The following NDST4 variants were observed in gnomAD, a reference collection of about 807,000 sequenced individuals.
NDST4 encodes the protein N-heparan sulfate sulfotransferase 4.
A neutral mutation model predicts 100.8 loss-of-function variants in NDST4; 63 were observed. The observed-to-expected ratio is 0.62, with a 90% confidence interval of 0.51 to 0.77. The LOEUF (loss-of-function observed/expected upper bound fraction) is 0.77, where lower values mean the gene tolerates loss of function less well. Among genes scored for constraint, NDST4 ranks in the 30% least tolerant of loss-of-function variants. The pLI is 0.00. For synonymous variants in NDST4, 377 were observed against 361.8 expected (o/e 1.04, Z -0.48); for missense variants, 943 against 1,018.4 (o/e 0.93, Z 1.01).
chr4:114,941,677 G>T (rs1418293917), intron 4 of NDST4, among the ~76,000 whole-genome samples: 1 of 152,098 alleles, frequency 6.6e-6, no homozygotes, highest in Non-Finnish European at 1.5e-5. Flanking sequence ...AGCAGCAGAG[G>T]CTTTTTGTTT....
intron 6 of NDST4, among the ~76,000 whole-genome samples, chr4:114,921,827 T>C (rs1725292864): frequency 6.6e-6 from 1 of 152,100 alleles, no homozygotes; most frequent in Non-Finnish European, 1.5e-5. Flanking sequence ...CCTATTTTCT[T>C]TTTCCCCCTT....
In NDST4 at chr4:114,829,364, A is replaced by G. The variant is rs1723146026; in HGVS notation, c.2499+426T>C. On this transcript the variant is annotated intron_variant, in intron 13 of 13. Transcript: ENST00000264363. ...TATCCTGTAATAAATCTGAGCTCAC[A>G]ACTGTTTTATCTTTGTATTCTTTCC... Among the ~76,000 whole-genome samples the G allele has an allele frequency of 2.0e-5, 3 of 152,204 alleles. No individual in the cohort carries two copies. The South Asian group carries it at 6.2e-4, about 32-fold the overall frequency.
chr4:114,970,054 C>A (rs1326830282), intron 4 of NDST4, among the ~76,000 whole-genome samples: 1 of 151,956 alleles, frequency 6.6e-6, no homozygotes, highest in African/African-American at 2.4e-5. Flanking sequence ...TTGTATTTCT[C>A]TAATGATTAG....
intron 6 of NDST4, among the ~76,000 whole-genome samples, chr4:114,883,389 T>C (rs1724412049): frequency 6.6e-6 from 1 of 152,012 alleles, no homozygotes; most frequent in South Asian, 2.1e-4. Flanking sequence ...TATTTTAAAG[T>C]TGTCTATGTT....
chr4:115,059,962 T>G (rs1480617606), intron 2 of NDST4, among the ~76,000 whole-genome samples: 2 of 151,984 alleles, frequency 1.3e-5, no homozygotes, highest in East Asian at 3.9e-4. Context: ...ACTAAACCTC[T>G]GCAACCCTGT....
intron 2 of NDST4, among the ~76,000 whole-genome samples, chr4:115,023,779 G>A (rs1321947567): frequency 6.6e-6 from 1 of 152,130 alleles, no homozygotes; most frequent in Non-Finnish European, 1.5e-5. Flanking sequence ...CACAAAGGGA[G>A]AATAGCACCA....
chr4:115,106,828 A>G (rs535390161), intron 1 of NDST4, among the ~76,000 whole-genome samples: 70 of 152,196 alleles, frequency 4.6e-4, no homozygotes, highest in African/African-American at 1.5e-3. Flanking sequence ...GGAGAATGAG[A>G]TATGGAGCCA....
chr4:115,045,428 T>C (rs1319856645), intron 2 of NDST4, among the ~76,000 whole-genome samples: 1 of 152,188 alleles, frequency 6.6e-6, no homozygotes, highest in Non-Finnish European at 1.5e-5. Context: ...TAAGTAAATG[T>C]AGAGCTCTAG....
intron 2 of NDST4, among the ~76,000 whole-genome samples, chr4:115,005,831 G>A (rs1428647662): frequency 2.6e-5 from 4 of 151,772 alleles, no homozygotes; most frequent in African/African-American, 4.8e-5. Flanking sequence ...TCAGGAGTTC[G>A]AAACCAGCCT....
chr4:115,037,478 G>C (rs1728258449), intron 2 of NDST4, among the ~76,000 whole-genome samples: 1 of 152,008 alleles, frequency 6.6e-6, no homozygotes, highest in Non-Finnish European at 1.5e-5. Context: ...TGACATTTCT[G>C]TCTATACATC....
intron 11 of NDST4, among the ~76,000 whole-genome samples, chr4:114,835,651 A>C (rs903202780): frequency 1.3e-5 from 2 of 152,184 alleles, no homozygotes; most frequent in African/African-American, 4.8e-5. Flanking sequence ...TCCAGAGCTG[A>C]GTTCAATTCC....
rs906723716 is a variant in NDST4, at chr4:115,080,458, T to C, written c.-246-3176A>G. Among the ~76,000 whole-genome samples, 5 of 152,214 alleles carry C rather than the reference T, an allele frequency of 3.3e-5. No individual in the cohort carries two copies. In the East Asian group the frequency reaches 5.8e-4, roughly 18 times the overall value. ...AGCCAAATGAAATTCTTTAATGTAA[T>C]TGTCTGCTTTGCAAAAGTCTTTGTT... On this transcript the variant is annotated intron_variant, in intron 1 of 13. Transcript: ENST00000264363.
intron 1 of NDST4, among the ~76,000 whole-genome samples, chr4:115,098,605 TA>T (rs1729666551): frequency 6.6e-6 from 1 of 152,208 alleles, no homozygotes; most frequent in African/African-American, 2.4e-5. Flanking sequence ...AAAGCTATAG[TA>T]ATCAAGACAC....
At chr4:114,853,864 G>T (rs1224468275) in intron 7 of NDST4, among the ~76,000 whole-genome samples, 1 of 151,478 alleles carries the variant, frequency 6.6e-6, no homozygotes, top group African/African-American at 2.4e-5. Flanking sequence ...ATACATTTTT[G>T]AAATACATCA....
intron 2 of NDST4, among the ~76,000 whole-genome samples, chr4:115,022,428 G>GTGTTCCATATATATA (rs1560570154): frequency 1.7e-5 from 1 of 59,922 alleles, no homozygotes; most frequent in African/African-American, 4.7e-5. Flanking sequence ...CCATATATAT[G>GTGTTCCATATATATA]TGTTCCATAT....
rs369160377 is a variant in NDST4, at chr4:115,053,009, C to T, written c.978+23050G>A. Among the ~76,000 whole-genome samples the T allele has an allele frequency of 1.3e-4, 20 of 152,118 alleles. No individual in the cohort carries two copies. The East Asian group carries it at 1.5e-3, about 12-fold the overall frequency. On this transcript the variant is annotated intron_variant, in intron 2 of 13. Transcript: ENST00000264363. Reference sequence around the variant, plus strand: ...TTTTCTCAAAATTTTATTTATTCCTCGAACAAAAGGTACATGTTTAGAAGG... The same window carrying T: ...TTTTCTCAAAATTTTATTTATTCCTTGAACAAAAGGTACATGTTTAGAAGG...
chr4:114,940,405 T>C (rs1321450442), intron 4 of NDST4, among the ~76,000 whole-genome samples: 2 of 152,242 alleles, frequency 1.3e-5, no homozygotes, highest in Admixed American at 1.3e-4. Flanking sequence ...AATAATGTCA[T>C]TTAATTTTCC....
Position 114,847,341 on chromosome 4 carries a change from A to G in NDST4, c.1940+874T>C, listed in dbSNP as rs983162936. Among the ~76,000 whole-genome samples the G allele has an allele frequency of 3.4e-4, 41 of 119,662 alleles. 3 individuals are homozygous for G. The highest frequency in any genetic ancestry group is 1.2e-3 in the African/African-American group (37 of 30,046). The allele number at this position is 119,662 out of a possible 152,430, so 78.5% of individuals were successfully genotyped here. On this transcript the variant is annotated intron_variant, in intron 9 of 13. Coordinates refer to ENST00000264363, the MANE Select transcript of NDST4 (RefSeq NM_022569.3). ...CAGTGAGCCGAGATCCCGCCACTGC[A>G]CTCCAGCCTGGGCGACAGAGCGAGA...
intron 6 of NDST4, among the ~76,000 whole-genome samples, chr4:114,904,343 A>G (rs72681410): frequency 6.6e-6 from 1 of 152,120 alleles, no homozygotes; most frequent in Non-Finnish European, 1.5e-5. Context: ...TAAGCAAGGT[A>G]CAGAAAGAGA....
Sources: gnomAD v4.1 joint callset for allele counts (sites outside exome capture counted in the v4.1 genomes callset) on GRCh38, gnomAD v4.1.1 for gene constraint, MANE v1.5 for transcripts, NCBI Gene and HGNC (gene_info 2026-07-23, HGNC 2026-07-21) for gene names.